LMF1: variants seen among roughly 807,000 people sequenced by gnomAD.
The protein encoded by LMF1 is lipase maturation factor 1.
Under a neutral mutation model 60.6 loss-of-function variants are expected in LMF1, and 68 were observed. That is an observed-to-expected ratio of 1.12 (90% confidence interval 0.92 to 1.37). The LOEUF (loss-of-function observed/expected upper bound fraction) is 1.37, where lower values mean the gene tolerates loss of function less well. Among genes scored for constraint, LMF1 ranks in the 40% most tolerant of loss-of-function variants. The pLI, the probability that LMF1 is intolerant of heterozygous loss-of-function variation, is 0.00. For missense variants in LMF1, 948 were observed against 767.2 expected, an observed-to-expected ratio of 1.24 and a Z score of -2.78; for synonymous variants, 418 against 324.7, an observed-to-expected ratio of 1.29 and a Z score of -3.09.
intron 5 of LMF1, among the ~76,000 whole-genome samples, chr16:890,715 A>G (rs537443549): frequency 3.3e-5 from 5 of 152,340 alleles, no homozygotes; most frequent in Admixed American, 3.3e-4. Context: ...TTAAGGACAC[A>G]GTCGTTGGAT....
At chr16:954,119 C>CA in intron 2 of LMF1, 1 of 642,752 alleles carries the variant, frequency 1.6e-6, no homozygotes, top group Non-Finnish European at 2.9e-6. Context: ...GCTGGCAACG[C>CA]AGTCCTTTAA....
intron 4 of LMF1, among the ~76,000 whole-genome samples, chr16:909,080 T>C (rs77471754): frequency 1.3e-5 from 2 of 152,126 alleles, no homozygotes; most frequent in Non-Finnish European, 1.5e-5. Context: ...GTGCTCATCA[T>C]GAGAGGCCAT....
chr16:977,425 C>G lies in LMF1; in HGVS notation c.-135+3720G>C, dbSNP rs117918235. Among the ~76,000 whole-genome samples the G allele has an allele frequency of 5.4e-3, 830 of 152,296 alleles. 8 individuals carry two copies. The highest frequency in any genetic ancestry group is 8.7e-3 in the Non-Finnish European group (592 of 68,000). On this transcript the variant is annotated intron_variant, in intron 1 of 6. Coordinates refer to the LMF1 transcript ENST00000570014. ...TTTCCCAGCCTCTGCTCACAGCCTG[C>G]GCCGGCCCAGCCTGTAGTCACTCTG...
At chr16:886,299 G>A (rs146053342) in intron 5 of LMF1, among the ~76,000 whole-genome samples, 436 of 152,260 alleles carry the variant, frequency 2.9e-3, no homozygotes, top group Non-Finnish European at 5.0e-3. Context: ...CGTGAGCACT[G>A]CTGACCTTGA....
chr16:855,557 G>A, intron 10 of LMF1: 1 of 372,142 alleles, frequency 2.7e-6, no homozygotes, highest in South Asian at 2.0e-5. Flanking sequence ...GGAGGCGCCA[G>A]GAGGAATTGT....
intron 1 of LMF1, among the ~76,000 whole-genome samples, chr16:978,806 G>A (rs1389725370): frequency 6.6e-6 from 1 of 152,092 alleles, no homozygotes; most frequent in Non-Finnish European, 1.5e-5. Context: ...GGGCCCATCA[G>A]GTGGACTCAG....
chr16:878,228 G>A lies in LMF1; in HGVS notation c.897+1342C>T, dbSNP rs2070051335. 6.6e-6 allele frequency among the ~76,000 whole-genome samples: 1 copy of A among 152,160 alleles called. No homozygotes were observed. The highest frequency in any genetic ancestry group is 1.5e-5 in the Non-Finnish European group (1 of 68,030). On this transcript the variant is annotated intron_variant, in intron 6 of 10. Coordinates refer to ENST00000262301, the MANE Select transcript of LMF1 (RefSeq NM_022773.4). The surrounding 1 kb of genome is among the most constrained non-coding windows in gnomAD (Gnocchi z 5.2). The stretch of plus-strand genomic sequence containing the variant: ...AGAGAGAAACGTGCGGTCCTGGCTG[G>A]GGGACGATCTGTGAGCAAGTCCGTT...
intron 3 of LMF1, among the ~76,000 whole-genome samples, chr16:912,093 G>C (rs2071139604): frequency 6.6e-6 from 1 of 152,174 alleles, no homozygotes; most frequent in Admixed American, 6.5e-5. Context: ...GCTCCCTCCT[G>C]GGCTCTGAGG....
intron 2 of LMF1, among the ~76,000 whole-genome samples, chr16:943,910 TTTCTGA>T (rs2072174039): frequency 6.6e-6 from 1 of 152,130 alleles, no homozygotes; most frequent in Non-Finnish European, 1.5e-5. Context: ...TGTGTAGTAG[TTTCTGA>T]TTCTAGTTGA....
At chr16:938,840 T>C (rs566675232) in intron 2 of LMF1, among the ~76,000 whole-genome samples, 149 of 152,196 alleles carry the variant, frequency 9.8e-4, no homozygotes, top group Admixed American at 3.0e-3. Context: ...AGGATGTAAA[T>C]ATGTAAATAG....
intron 4 of LMF1, among the ~76,000 whole-genome samples, chr16:906,367 G>T (rs544106462): frequency 3.3e-5 from 5 of 152,124 alleles, no homozygotes; most frequent in Non-Finnish European, 5.9e-5. Flanking sequence ...TGGGGAAGGC[G>T]GACCCAAGCT....
At chr16:930,632 G>A (rs1455981504) in intron 3 of LMF1, among the ~76,000 whole-genome samples, 1 of 152,262 alleles carries the variant, frequency 6.6e-6, no homozygotes, top group Non-Finnish European at 1.5e-5. Context: ...CGGGGGCTGT[G>A]CGGACTTCCC....
intron 5 of LMF1, among the ~76,000 whole-genome samples, chr16:891,993 T>C (rs1410177257): frequency 1.3e-5 from 2 of 152,148 alleles, no homozygotes; most frequent in Non-Finnish European, 2.9e-5. Context: ...GCGGGGCACT[T>C]GATGGGCTAT....
upstream of LMF1, chr16:970,993 C>T (rs761478266): frequency 4.8e-6 from 7 of 1,466,282 alleles, no homozygotes; most frequent in Admixed American, 2.1e-5. Context: ...GCGGGGAGGG[C>T]GCACTCCCGG....
intron 3 of LMF1, among the ~76,000 whole-genome samples, chr16:915,512 G>A (rs1022193641): frequency 3.7e-4 from 56 of 152,330 alleles, no homozygotes; most frequent in Middle Eastern, 3.4e-3. Flanking sequence ...ACCAAGAGGC[G>A]AGATCTGCGC....
intron 4 of LMF1, among the ~76,000 whole-genome samples, chr16:909,675 C>T (rs555530158): frequency 6.6e-6 from 1 of 152,358 alleles, no homozygotes; most frequent in African/African-American, 2.4e-5. Flanking sequence ...TTCCTGAGTC[C>T]GTGGCCAGTG....
chr16:928,774 C>T (rs2071685770), intron 3 of LMF1, among the ~76,000 whole-genome samples: 1 of 151,978 alleles, frequency 6.6e-6, no homozygotes, highest in Non-Finnish European at 1.5e-5. Flanking sequence ...CATCCCTACA[C>T]CCCCATGGGG....
chr16:875,453 C>A (rs966254660), intron 6 of LMF1, among the ~76,000 whole-genome samples: 4 of 152,174 alleles, frequency 2.6e-5, no homozygotes, highest in Non-Finnish European at 4.4e-5. Context: ...GTCACCTCCC[C>A]ATTCCATGTC....
In LMF1 at chr16:854,149, A is replaced by G. The variant is rs1356170341; in HGVS notation, c.*383T>C. On this transcript the variant is annotated 3_prime_UTR_variant, in exon 11 of 11. Coordinates refer to ENST00000262301, the MANE Select transcript of LMF1 (RefSeq NM_022773.4). Reference sequence around the variant, plus strand: ...CAGAAACCAGGCCCTGGGACGCTAGAGACCCCAAGAGCTACCTGGCTGGGT... The same window carrying G: ...CAGAAACCAGGCCCTGGGACGCTAGGGACCCCAAGAGCTACCTGGCTGGGT... 4.2e-6 allele frequency: 2 copies of G among 479,264 alleles called. No homozygotes were observed. Among genetic ancestry groups the G allele is most frequent in the Non-Finnish European group, 8.2e-6 (2 of 244,064 alleles). 29.7% of individuals were successfully genotyped at this position (479,264 alleles called of 1,614,324 possible).
Sources: gnomAD v4.1 joint callset for allele counts (sites outside exome capture counted in the v4.1 genomes callset) on GRCh38, gnomAD v4.1.1 for gene constraint, Gnocchi (gnomAD v3.1) non-coding constraint, MANE v1.5 for transcripts, NCBI Gene and HGNC (gene_info 2026-07-23, HGNC 2026-07-21) for gene names.